WDPCP: variants seen among roughly 807,000 people sequenced by gnomAD.
WDPCP encodes the protein WD repeat-containing and planar cell polarity effector protein fritz homolog.
WDPCP carries 71 observed loss-of-function variants against 93.1 expected under a neutral mutation model. The ratio of observed to expected loss-of-function variants is 0.76; its 90% CI spans 0.63 to 0.93. The LOEUF is 0.93. Among genes scored for constraint, WDPCP ranks in the 40% least tolerant of loss-of-function variants. The pLI, the probability that WDPCP is intolerant of heterozygous loss-of-function variation, is 0.00. For missense variants in WDPCP, 844 were observed against 887.4 expected (o/e 0.95, Z 0.62); for synonymous variants, 315 against 315.0 (o/e 1.00, Z 0.00).
chr2:63,323,343 A>G (rs1047268245), intron 12 of WDPCP, among the ~76,000 whole-genome samples: 2 of 152,082 alleles, frequency 1.3e-5, no homozygotes, highest in African/African-American at 4.8e-5. Context: ...TAAATTTGGG[A>G]TTCTGTTACC....
rs1700592451 is a variant in WDPCP at position 63,486,669 on chromosome 2, A to G, written c.209-83T>C. On this transcript the variant is annotated intron_variant, in intron 3 of 17. Coordinates refer to ENST00000272321, the MANE Select transcript of WDPCP (RefSeq NM_015910.7). ...TATAATGCCTTGTATTTTAATATGT[A>G]CATGTATAAGGTATTATTAACATTA... The G allele has an allele frequency of 5.0e-6, 6 of 1,195,778 alleles. No individual in the cohort carries two copies. In the Admixed American group the frequency reaches 1.2e-4, roughly 25 times the overall value. 74.1% of individuals were successfully genotyped at this position (1,195,778 alleles called of 1,614,324 possible).
chr2:63,629,423 A>C (rs1709842633), intron 3 of WDPCP, among the ~76,000 whole-genome samples: 1 of 152,176 alleles, frequency 6.6e-6, no homozygotes, highest in Non-Finnish European at 1.5e-5. Flanking sequence ...AAATTTGAGA[A>C]ATTTTACGGT....
intron 3 of WDPCP, among the ~76,000 whole-genome samples, chr2:63,598,716 T>G (rs1180273023): frequency 6.6e-6 from 1 of 152,118 alleles, no homozygotes; most frequent in East Asian, 1.9e-4. Context: ...AATCCACAGG[T>G]GCCAGTAAAA....
intron 12 of WDPCP, among the ~76,000 whole-genome samples, chr2:63,328,455 C>T (rs1381224843): frequency 6.6e-6 from 1 of 152,190 alleles, no homozygotes; most frequent in Non-Finnish European, 1.5e-5. Context: ...GACCACAAAT[C>T]CACCGGGAGG....
At chr2:63,776,647 C>T (rs934835382) in intron 2 of WDPCP, among the ~76,000 whole-genome samples, 1 of 138,294 alleles carries the variant, frequency 7.2e-6, no homozygotes, top group African/African-American at 2.7e-5. Flanking sequence ...CAGAGTGAGG[C>T]CCTGTCTCAA....
intron 6 of WDPCP, among the ~76,000 whole-genome samples, chr2:63,466,358 A>G (rs1165885901): frequency 1.3e-5 from 2 of 152,288 alleles, no homozygotes; most frequent in East Asian, 3.9e-4. Flanking sequence ...AATTTGGCAA[A>G]AGTACCTTAT....
chr2:63,695,507 A>C (rs890901125), intron 2 of WDPCP, among the ~76,000 whole-genome samples: 2 of 152,124 alleles, frequency 1.3e-5, no homozygotes, highest in African/African-American at 4.8e-5. Context: ...TTCATTGTTT[A>C]CCTGAAATTC....
chr2:63,739,008 A>T (rs1669677010), intron 2 of WDPCP, among the ~76,000 whole-genome samples: 1 of 152,086 alleles, frequency 6.6e-6, no homozygotes, highest in South Asian at 2.1e-4. Context: ...GCTTTTTTTG[A>T]TCAACATTAT....
intron 2 of WDPCP, among the ~76,000 whole-genome samples, chr2:63,680,437 T>C (rs538894511): frequency 6.6e-6 from 1 of 152,256 alleles, no homozygotes; most frequent in African/African-American, 2.4e-5. Flanking sequence ...TGCTGCCCTG[T>C]CACAGTGGAA....
intron 12 of WDPCP, among the ~76,000 whole-genome samples, chr2:63,360,893 A>G (rs1005072678): frequency 6.6e-6 from 1 of 152,224 alleles, no homozygotes; most frequent in African/African-American, 2.4e-5. Context: ...GGATGACTAC[A>G]CAGAGTCAAT....
At chr2:63,596,669 A>T (rs1369782025) in intron 3 of WDPCP, among the ~76,000 whole-genome samples, 1 of 152,218 alleles carries the variant, frequency 6.6e-6, no homozygotes, top group Non-Finnish European at 1.5e-5. Flanking sequence ...AGCCTTGACT[A>T]TGATGCAACT....
chr2:63,280,821 A>G (rs1463597058), intron 13 of WDPCP, among the ~76,000 whole-genome samples: 7 of 152,200 alleles, frequency 4.6e-5, no homozygotes, highest in African/African-American at 1.7e-4. Flanking sequence ...TTATACAAAA[A>G]TCAACTCAAG....
intron 7 of WDPCP, chr2:63,437,873 G>A: frequency 6.3e-7 from 1 of 1,597,504 alleles, no homozygotes; most frequent in Non-Finnish European, 8.5e-7. Context: ...TGAATGTAGA[G>A]ACGAAAACAT....
intron 6 of WDPCP, among the ~76,000 whole-genome samples, chr2:63,478,940 A>C (rs1194173831): frequency 6.6e-6 from 1 of 152,108 alleles, no homozygotes; most frequent in Non-Finnish European, 1.5e-5. Flanking sequence ...TTGATAGACC[A>C]TTAGCAAGAT....
intron 15 of WDPCP, among the ~76,000 whole-genome samples, chr2:63,164,541 A>G (rs146362285): frequency 1.3e-5 from 2 of 152,138 alleles, no homozygotes; most frequent in African/African-American, 4.8e-5. Context: ...GCCTTCTGCC[A>G]TGACTATAAG....
intron 12 of WDPCP, among the ~76,000 whole-genome samples, chr2:63,337,361 C>A (rs35183634): frequency 0.015 from 2,242 of 152,152 alleles, 20 homozygotes; most frequent in Non-Finnish European, 0.023. Context: ...TGTATATATA[C>A]CACATTTTCT....
At chr2:63,264,117 C>T (rs112625392) in intron 13 of WDPCP, among the ~76,000 whole-genome samples, 85 of 152,268 alleles carry the variant, frequency 5.6e-4, no homozygotes, top group African/African-American at 1.9e-3. Flanking sequence ...GATGTACCCC[C>T]GGCCAGATGC....
At chr2:63,622,178 C>T in intron 3 of WDPCP, 1 of 1,587,882 alleles carries the variant, frequency 6.3e-7, no homozygotes, top group South Asian at 1.1e-5. Flanking sequence ...GGGCTGGCTA[C>T]ACAAACTGTT....
chr2:63,331,225 T>C (rs573327723), intron 12 of WDPCP, among the ~76,000 whole-genome samples: 24 of 152,302 alleles, frequency 1.6e-4, no homozygotes, highest in African/African-American at 3.8e-4. Context: ...TGGAAAGATA[T>C]AAAATCCTTG....
Sources: gnomAD v4.1 joint callset for allele counts (sites outside exome capture counted in the v4.1 genomes callset) on GRCh38, gnomAD v4.1.1 for gene constraint, MANE v1.5 for transcripts, NCBI Gene and HGNC (gene_info 2026-07-23, HGNC 2026-07-21) for gene names.